The following CDH12 variants were observed in gnomAD, a reference collection of about 807,000 sequenced individuals.
The protein encoded by CDH12 is cadherin 12.
In CDH12, 41 loss-of-function variants were observed where a neutral mutation model predicts 74.1. The observed-to-expected ratio is 0.55, with a 90% CI of 0.43 to 0.72. The LOEUF (loss-of-function observed/expected upper bound fraction) is 0.72, where lower values mean the gene tolerates loss of function less well. Among genes scored for constraint, CDH12 ranks in the 30% least tolerant of loss-of-function variants. The probability of loss-of-function intolerance (pLI) is 0.00; values close to 1 mark genes in which losing one functional copy is unlikely to be tolerated. For missense variants in CDH12, 945 were observed against 977.2 expected, an observed-to-expected ratio of 0.97 and a Z score of 0.44; for synonymous variants, 399 against 355.0, an observed-to-expected ratio of 1.12 and a Z score of -1.39.
intron 6 of CDH12, among the ~76,000 whole-genome samples, chr5:21,857,985 G>C (rs763770362): frequency 6.6e-6 from 1 of 151,484 alleles, no homozygotes; most frequent in African/African-American, 2.4e-5. Flanking sequence ...GAGAGAGAGA[G>C]AGAGACAGAG....
chr5:22,806,847 AG>A (rs1308693670), intron 1 of CDH12, among the ~76,000 whole-genome samples: 1 of 151,968 alleles, frequency 6.6e-6, no homozygotes, highest in Non-Finnish European at 1.5e-5. Context: ...AATTTGTTTA[AG>A]TTATTTGTAG....
chr5:22,505,465 A>G (rs1736343583), intron 1 of CDH12, 101 bp from the exon 2 acceptor site: 1 of 260,504 alleles, frequency 3.8e-6, no homozygotes, highest in Admixed American at 6.5e-5. Context: ...CAAAGATGGT[A>G]TAGAGAGTTC....
At chr5:22,590,059 A>G (rs1475103377) in intron 1 of CDH12, among the ~76,000 whole-genome samples, 2 of 152,172 alleles carry the variant, frequency 1.3e-5, no homozygotes, top group Non-Finnish European at 2.9e-5. Flanking sequence ...TCTTTGTACT[A>G]TCTCGACAAT....
intron 6 of CDH12, among the ~76,000 whole-genome samples, chr5:21,887,516 C>T (rs1418658110): frequency 6.6e-6 from 1 of 152,084 alleles, no homozygotes; most frequent in Non-Finnish European, 1.5e-5. Context: ...TTTTTTCATC[C>T]CAGTGTCCCA....
Position 21,842,279 on chromosome 5 carries a change from T to C in CDH12, c.696A>G (p.Gln232=), listed in dbSNP as rs1749912980. The change falls in exon 8 of 15, where the codon CAA becomes CAG. Residue 232 remains glutamine, a synonymous_variant. Transcript: ENST00000382254. ...CCTTGGCTTGGATGAGTACTTGATA[T>C]TGTTCTTTGACTTCTCTGTCCATGT... is the stretch of plus-strand genomic sequence containing the variant. ...LPNMDREVKE[Q]YQVLIQAKDM... 1 of 1,613,184 alleles carries C rather than the reference T, an allele frequency of 6.2e-7. No individual in the cohort carries two copies. The highest frequency in any genetic ancestry group is 8.5e-7 in the Non-Finnish European group (1 of 1,179,418).
chr5:22,468,251 C>T (rs750391489), intron 2 of CDH12, among the ~76,000 whole-genome samples: 2 of 152,180 alleles, frequency 1.3e-5, no homozygotes, highest in Non-Finnish European at 2.9e-5. Flanking sequence ...CACCATATAA[C>T]CATCCTTACA....
rs529519682 is a variant in CDH12 at position 21,996,161 on chromosome 5, T to G, written c.232-20776A>C. On this transcript the variant is annotated intron_variant, in intron 5 of 14. Coordinates refer to ENST00000382254, the MANE Select transcript of CDH12 (RefSeq NM_004061.5). Reference sequence around the variant, plus strand: ...ATGCCTGCTTGAAGTGTAGACCATGTCTTTCTCGTACTAGAACTATTTCTA... The same window carrying G: ...ATGCCTGCTTGAAGTGTAGACCATGGCTTTCTCGTACTAGAACTATTTCTA... 5.3e-5 allele frequency among the ~76,000 whole-genome samples: 8 copies of G among 149,962 alleles called. No homozygotes were observed. In the South Asian group the frequency reaches 1.7e-3, roughly 32 times the overall value.
intron 1 of CDH12, among the ~76,000 whole-genome samples, chr5:22,512,701 C>G (rs1439336083): frequency 6.6e-6 from 1 of 152,140 alleles, no homozygotes; most frequent in Non-Finnish European, 1.5e-5. Flanking sequence ...GAAGTCTGTA[C>G]TAATGCAGGA....
chr5:22,827,989 A>T (rs1039883361), intron 1 of CDH12, among the ~76,000 whole-genome samples: 3 of 152,206 alleles, frequency 2.0e-5, no homozygotes, highest in Admixed American at 2.0e-4. Context: ...GTAAAATAAT[A>T]TGGGCATTTG....
At chr5:22,749,962 C>T (rs1440489999) in intron 1 of CDH12, among the ~76,000 whole-genome samples, 1 of 152,164 alleles carries the variant, frequency 6.6e-6, no homozygotes, top group East Asian at 1.9e-4. Flanking sequence ...ATATAGCTAT[C>T]AACTTCTTCC....
chr5:22,372,787 A>G (rs1351844102), intron 3 of CDH12, among the ~76,000 whole-genome samples: 2 of 152,108 alleles, frequency 1.3e-5, no homozygotes, highest in African/African-American at 4.8e-5. Context: ...CTGAAAACAG[A>G]TCCCCAAAGG....
intron 2 of CDH12, among the ~76,000 whole-genome samples, chr5:22,448,768 T>G (rs1303919520): frequency 2.6e-5 from 4 of 151,984 alleles, no homozygotes; most frequent in African/African-American, 7.2e-5. Flanking sequence ...AGTATATATT[T>G]CCTACTATTT....
At chr5:22,149,330 C>T (rs1050162604) in intron 4 of CDH12, among the ~76,000 whole-genome samples, 29 of 152,294 alleles carry the variant, frequency 1.9e-4, no homozygotes, top group African/African-American at 6.3e-4. Flanking sequence ...CTCAATTTTA[C>T]AGTATACAGC....
chr5:22,336,669 G>C (rs1292349853), intron 3 of CDH12, among the ~76,000 whole-genome samples: 8 of 152,208 alleles, frequency 5.3e-5, no homozygotes, highest in Non-Finnish European at 1.0e-4. Context: ...CAAGAATTGG[G>C]GTTTGGGAAC....
chr5:22,227,304 G>T (rs1192978571), intron 3 of CDH12, among the ~76,000 whole-genome samples: 1 of 151,862 alleles, frequency 6.6e-6, no homozygotes, highest in African/African-American at 2.4e-5. Flanking sequence ...AGTGGAAGGG[G>T]GTCACTAGAT....
intron 6 of CDH12, among the ~76,000 whole-genome samples, chr5:21,948,855 TAGTG>T (rs1346436301): frequency 6.6e-6 from 1 of 152,158 alleles, no homozygotes; most frequent in African/African-American, 2.4e-5. Flanking sequence ...GTTCTTATGA[TAGTG>T]AGTGAGTTCT....
intron 10 of CDH12, among the ~76,000 whole-genome samples, chr5:21,787,202 C>T (rs1237639879): frequency 6.6e-6 from 1 of 152,128 alleles, no homozygotes; most frequent in Non-Finnish European, 1.5e-5. Flanking sequence ...TACAAAACAG[C>T]ATCACATGCT....
At chr5:22,309,223 G>A (rs1355534156) in intron 3 of CDH12, among the ~76,000 whole-genome samples, 1 of 152,092 alleles carries the variant, frequency 6.6e-6, no homozygotes, top group Non-Finnish European at 1.5e-5. Context: ...CTTCTCTAAG[G>A]TTGTTGTGTA....
At chr5:22,051,935 T>TGCAGATTATG (rs1468659668) in intron 5 of CDH12, among the ~76,000 whole-genome samples, 2 of 152,170 alleles carry the variant, frequency 1.3e-5, no homozygotes, top group African/African-American at 4.8e-5. Context: ...AACTATTACT[T>TGCAGATTATG]GCAGATTATG....
Sources: gnomAD v4.1 joint callset for allele counts (sites outside exome capture counted in the v4.1 genomes callset) on GRCh38, gnomAD v4.1.1 for gene constraint, MANE v1.5 for transcripts, NCBI Gene and HGNC (gene_info 2026-07-23, HGNC 2026-07-21) for gene names.